Variants in DSCAM observed in about 807,000 individuals in gnomAD.
DSCAM encodes the protein DS cell adhesion molecule.
A neutral mutation model predicts 217.7 loss-of-function variants in DSCAM; 47 were observed. That is an observed-to-expected ratio of 0.22 (90% CI 0.17 to 0.28). The LOEUF (loss-of-function observed/expected upper bound fraction) is 0.28, where lower values mean the gene tolerates loss of function less well. Ranked by LOEUF, DSCAM falls within the 10% of genes least tolerant of loss-of-function variation. DSCAM has a pLI of 1.00. For missense variants in DSCAM, 2,080 were observed against 2,618.3 expected (o/e 0.79, Z 4.49); for synonymous variants, 1,056 against 1,015.3 (o/e 1.04, Z -0.76).
At chr21:40,222,199 T>C (rs534148294) in intron 11 of DSCAM, among the ~76,000 whole-genome samples, 1 of 152,222 alleles carries the variant, frequency 6.6e-6, no homozygotes, top group South Asian at 2.1e-4. Context: ...TATTTAAAGA[T>C]ATTTTGGATG....
rs557243215 is a variant in DSCAM, at chr21:40,802,978, A to G, written c.43+43641T>C. On this transcript the variant is annotated intron_variant, in intron 1 of 32. Transcript: ENST00000400454. ...ACAACTAGACAGACAAGGTACCACT[A>G]ACAGAATTCCTTTCCTTATGGCAGC... Among the ~76,000 whole-genome samples, 47 of 152,324 alleles carry G rather than the reference A, an allele frequency of 3.1e-4. 1 individual carries two copies. The highest frequency in any genetic ancestry group is 1.1e-3 in the African/African-American group (47 of 41,576).
Position 40,087,294 on chromosome 21 carries a change from A to T in DSCAM, c.3851-7T>A. On this transcript the variant is annotated splice_polypyrimidine_tract_variant and splice_region_variant and intron_variant, in intron 21 of 32. Transcript: ENST00000400454. ...GTCAGGATTCGTGCAGGAGCTGAGGAACCAAACAAAGTGGAATCCTGATTA... is the reference window on the plus strand; with the variant it reads ...GTCAGGATTCGTGCAGGAGCTGAGGTACCAAACAAAGTGGAATCCTGATTA... 6.2e-7 allele frequency: 1 copy of T among 1,608,448 alleles called. No homozygotes were observed. Among genetic ancestry groups the T allele is most frequent in the Non-Finnish European group, 8.5e-7 (1 of 1,174,828 alleles).
At chr21:40,288,131 A>G (rs556588818) in intron 10 of DSCAM, among the ~76,000 whole-genome samples, 1 of 152,340 alleles carries the variant, frequency 6.6e-6, no homozygotes, top group South Asian at 2.1e-4. Context: ...CAAGCTCAAC[A>G]AAGATTGGCT....
At chr21:40,341,321 G>A (rs1373690124) in intron 6 of DSCAM, among the ~76,000 whole-genome samples, 1 of 152,092 alleles carries the variant, frequency 6.6e-6, no homozygotes, top group East Asian at 1.9e-4. Flanking sequence ...GTTATTTCAC[G>A]TGTCCTTTAT....
chr21:40,410,759 CA>C (rs112357519), intron 3 of DSCAM, among the ~76,000 whole-genome samples: 1,915 of 142,530 alleles, frequency 0.013, 29 homozygotes, highest in African/African-American at 0.042. Context: ...CTATACAGTA[CA>C]AAAAAAAAAA....
intron 20 of DSCAM, among the ~76,000 whole-genome samples, chr21:40,096,517 C>T (rs748627399): frequency 1.3e-5 from 2 of 152,052 alleles, no homozygotes; most frequent in Non-Finnish European, 2.9e-5. Context: ...AAAAAGTTAA[C>T]AGGGCATTAG....
chr21:40,093,435 G>A (rs1366108843), intron 21 of DSCAM, among the ~76,000 whole-genome samples: 1 of 152,146 alleles, frequency 6.6e-6, no homozygotes, highest in Non-Finnish European at 1.5e-5. Flanking sequence ...GCCGTGTAAT[G>A]ATTTTCAGCT....
At chr21:40,332,271 C>T (rs140768088) in intron 8 of DSCAM, among the ~76,000 whole-genome samples, 34 of 152,212 alleles carry the variant, frequency 2.2e-4, no homozygotes, top group African/African-American at 6.5e-4. Context: ...CCTGGCTTCC[C>T]GCTGCAATAC....
chr21:40,371,693 G>T (rs553621333), intron 3 of DSCAM, among the ~76,000 whole-genome samples: 1 of 152,114 alleles, frequency 6.6e-6, no homozygotes, highest in African/African-American at 2.4e-5. Flanking sequence ...GCTTTAGGGC[G>T]TATCATTTCA....
intron 3 of DSCAM, among the ~76,000 whole-genome samples, chr21:40,597,783 A>C (rs2077033104): frequency 6.6e-6 from 1 of 152,100 alleles, no homozygotes; most frequent in African/African-American, 2.4e-5. Context: ...AAGTGCTGGG[A>C]TTACAGGCGT....
chr21:40,043,524 C>G (rs1192341759), intron 31 of DSCAM, among the ~76,000 whole-genome samples: 1 of 152,166 alleles, frequency 6.6e-6, no homozygotes, highest in African/African-American at 2.4e-5. Context: ...GGGTGGTGGG[C>G]AACCCGGTGC....
Position 40,571,003 on chromosome 21 carries a change from T to C in DSCAM, c.508+121807A>G, listed in dbSNP as rs115694551. 2.6e-5 allele frequency among the ~76,000 whole-genome samples: 4 copies of C among 152,056 alleles called. No homozygotes were observed. In the East Asian group the frequency reaches 5.8e-4, roughly 22 times the overall value. On this transcript the variant is annotated intron_variant, in intron 3 of 32. Coordinates refer to ENST00000400454, the MANE Select transcript of DSCAM (RefSeq NM_001389.5). The stretch of plus-strand genomic sequence containing the variant: ...AGTTAAGGAAATACAGCAAGGTACA[T>C]ACCCAAGAAGATTAGCAAACCACAA...
rs145215272 is a variant in DSCAM at position 40,719,583 on chromosome 21, G to A, written c.44-10812C>T. 6.0e-4 allele frequency among the ~76,000 whole-genome samples: 91 copies of A among 152,260 alleles called. 1 individual carries two copies. Among genetic ancestry groups the A allele is most frequent in the African/African-American group, 1.9e-3 (81 of 41,544 alleles). ...CGATCAATAATAAAATTGATACATC[G>A]TGATATATTGGCACCTTGAATCACT... On this transcript the variant is annotated intron_variant, in intron 1 of 32. Coordinates refer to ENST00000400454, the MANE Select transcript of DSCAM (RefSeq NM_001389.5).
At chr21:40,150,227 C>T (rs976760612) in intron 16 of DSCAM, among the ~76,000 whole-genome samples, 2 of 152,158 alleles carry the variant, frequency 1.3e-5, no homozygotes, top group Admixed American at 6.5e-5. Flanking sequence ...TGGTATTAAC[C>T]GCTCATAGAG....
intron 3 of DSCAM, among the ~76,000 whole-genome samples, chr21:40,547,005 C>T (rs1297441482): frequency 6.6e-6 from 1 of 152,040 alleles, no homozygotes; most frequent in Admixed American, 6.6e-5. Context: ...TCTTGAGGCC[C>T]ATGTCAACCC....
rs1225727713 is a variant in DSCAM, at chr21:40,359,815, G to A, written c.656-6072C>T. Among the ~76,000 whole-genome samples the A allele has an allele frequency of 6.6e-5, 10 of 152,226 alleles. 1 individual carries two copies. The highest frequency in any genetic ancestry group is 3.4e-3 in the Middle Eastern group (1 of 294). On this transcript the variant is annotated intron_variant, in intron 4 of 32. Coordinates refer to ENST00000400454, the MANE Select transcript of DSCAM (RefSeq NM_001389.5). ...ATGGACATTGAAATTGGCTTCAAAC[G>A]GGTAGGAGGAATCTTTTGGGTGGTG...
At chr21:40,608,266 C>G (rs2089268655) in intron 3 of DSCAM, among the ~76,000 whole-genome samples, 1 of 152,104 alleles carries the variant, frequency 6.6e-6, no homozygotes, top group South Asian at 2.1e-4. Context: ...GTGTATTTTT[C>G]TGGCATTAGG....
At chr21:40,396,037 T>C (rs1488155950) in intron 3 of DSCAM, among the ~76,000 whole-genome samples, 1 of 152,146 alleles carries the variant, frequency 6.6e-6, no homozygotes, top group Non-Finnish European at 1.5e-5. Context: ...GCGGGTCCCA[T>C]GGAGGCTCCA....
At chr21:40,453,603 C>T (rs1250300920) in intron 3 of DSCAM, among the ~76,000 whole-genome samples, 1 of 152,236 alleles carries the variant, frequency 6.6e-6, no homozygotes. Flanking sequence ...CACCATCCAT[C>T]TGAGCATTGC....
Sources: allele counts gnomAD v4.1 joint callset (sites outside exome capture counted in the v4.1 genomes callset), GRCh38; gene constraint gnomAD v4.1.1; transcripts MANE v1.5; gene names NCBI Gene and HGNC (gene_info 2026-07-23, HGNC 2026-07-21).